B4GALT5: variants seen among roughly 807,000 people sequenced by gnomAD.
B4GALT5 encodes the protein UDP-Gal:beta-GlcNAc beta-1,4-galactosyltransferase 5.
In B4GALT5, 11 loss-of-function variants were observed where a neutral mutation model predicts 45.0. That is an observed-to-expected ratio of 0.24 (90% CI 0.15 to 0.40). The LOEUF (loss-of-function observed/expected upper bound fraction) is 0.40. Ranked by LOEUF, B4GALT5 falls within the 10% of genes least tolerant of loss-of-function variation. The probability of loss-of-function intolerance (pLI) is 1.00; values close to 1 mark genes in which losing one functional copy is unlikely to be tolerated. For synonymous variants in B4GALT5, 185 were observed against 182.9 expected (o/e 1.01, Z -0.09); for missense variants, 337 against 500.2 (o/e 0.67, Z 3.11).
At chr20:49,709,184 C>T (rs985479964) in intron 1 of B4GALT5, among the ~76,000 whole-genome samples, 3 of 151,950 alleles carry the variant, frequency 2.0e-5, no homozygotes, top group African/African-American at 7.3e-5. Context: ...TCTGAGCTCT[C>T]GGATTTTTTT....
At chr20:49,658,089 T>C (rs1352654309) in intron 1 of B4GALT5, among the ~76,000 whole-genome samples, 1 of 152,204 alleles carries the variant, frequency 6.6e-6, no homozygotes, top group Admixed American at 6.5e-5. Flanking sequence ...CAGTTTCAAA[T>C]GCGGCCTTGC....
intron 1 of B4GALT5, among the ~76,000 whole-genome samples, chr20:49,693,020 T>C (rs1568732215): frequency 6.6e-6 from 1 of 152,216 alleles, no homozygotes; most frequent in African/African-American, 2.4e-5. Flanking sequence ...CAGTATTCAG[T>C]ACAGTACCAT....
intron 1 of B4GALT5, among the ~76,000 whole-genome samples, chr20:49,700,263 G>T (rs999225704): frequency 2.6e-5 from 4 of 151,942 alleles, no homozygotes; most frequent in African/African-American, 9.7e-5. Flanking sequence ...TTTACAATTT[G>T]GTTTACAACA....
At chr20:49,661,657 G>A (rs1330006872) in intron 1 of B4GALT5, among the ~76,000 whole-genome samples, 1 of 152,186 alleles carries the variant, frequency 6.6e-6, no homozygotes, top group South Asian at 2.1e-4. Flanking sequence ...CAGTTTCAAC[G>A]AGTCTCTACT....
chr20:49,672,533 A>G (rs2085720301), intron 1 of B4GALT5, among the ~76,000 whole-genome samples: 1 of 151,514 alleles, frequency 6.6e-6, no homozygotes, highest in Admixed American at 6.6e-5. Context: ...ATGCTGGATT[A>G]TTTTTCTGTC....
chr20:49,643,436 T>C, intron 4 of B4GALT5, 90 bp downstream of exon 4: 1 of 1,498,680 alleles, frequency 6.7e-7, no homozygotes, highest in Non-Finnish European at 9.1e-7. Flanking sequence ...AATGACAAAA[T>C]GTCATGGTTA....
At chr20:49,655,604 C>G (rs1299910924) in intron 2 of B4GALT5, among the ~76,000 whole-genome samples, 1 of 152,102 alleles carries the variant, frequency 6.6e-6, no homozygotes, top group Non-Finnish European at 1.5e-5. Flanking sequence ...GGAAGTATTA[C>G]TTCCTTCCTG....
In B4GALT5 at chr20:49,682,396, T is replaced by C. The variant is rs1012309332; in HGVS notation, c.116-25694A>G. Among the ~76,000 whole-genome samples, 3 of 152,142 alleles carry C rather than the reference T, an allele frequency of 2.0e-5. No homozygotes were observed. In the East Asian group the frequency reaches 5.8e-4, roughly 29 times the overall value. On this transcript the variant is annotated intron_variant, in intron 1 of 8. Transcript: ENST00000371711. ...TGTCTACACCAGCTCTTAAATGATT[T>C]CCCTTATCCCTCTGACCTCATCTCT...
intron 1 of B4GALT5, among the ~76,000 whole-genome samples, chr20:49,713,370 C>A (rs1193010249): frequency 6.6e-6 from 1 of 151,466 alleles, no homozygotes; most frequent in Non-Finnish European, 1.5e-5. Context: ...CGGAGGCTGG[C>A]GCGGGAGAGG....
chr20:49,645,164 G>C (rs563103537), intron 3 of B4GALT5, among the ~76,000 whole-genome samples: 1 of 152,036 alleles, frequency 6.6e-6, no homozygotes, highest in Non-Finnish European at 1.5e-5. Context: ...ATTGCTCCCT[G>C]AAGTTGGAGA....
chr20:49,680,449 A>C (rs1268079499), intron 1 of B4GALT5, among the ~76,000 whole-genome samples: 1 of 152,280 alleles, frequency 6.6e-6, no homozygotes, highest in African/African-American at 2.4e-5. Flanking sequence ...GCAGTGAAAC[A>C]TGCTGTAACA....
In B4GALT5 at chr20:49,670,669, G is replaced by A. The variant is rs569546262; in HGVS notation, c.116-13967C>T. Among the ~76,000 whole-genome samples the A allele has an allele frequency of 4.0e-4, 61 of 152,224 alleles. No homozygotes were observed. In the Middle Eastern group the frequency reaches 0.01, roughly 25 times the overall value. On this transcript the variant is annotated intron_variant, in intron 1 of 8. Transcript: ENST00000371711. ...TTCTAACCCTTTGCAAACATGTAAC[G>A]TAAAATTTTAAGTTGACACTACAAA...
At chr20:49,684,816 C>T (rs556634438) in intron 1 of B4GALT5, among the ~76,000 whole-genome samples, 12 of 152,292 alleles carry the variant, frequency 7.9e-5, no homozygotes, top group Admixed American at 2.0e-4. Context: ...AGTCCCTGCT[C>T]GGCTTAGCTG....
chr20:49,639,735 T>C lies in B4GALT5; in HGVS notation c.860A>G (p.Asn287Ser), dbSNP rs916716942. Reference sequence around the variant, plus strand: ...ACCCCAGAAAGCATTAGGAAAGCCATTGATTTTCCGAAATTGTTCCACTGT... The same window carrying C: ...ACCCCAGAAAGCATTAGGAAAGCCACTGATTTTCCGAAATTGTTCCACTGT... ...GLTVEQFRKINGFPNAFWGWG... is the reference protein window; with the variant it reads ...GLTVEQFRKISGFPNAFWGWG... The change falls in exon 7 of 9, where the codon AAT (asparagine) becomes AGT (serine). Residue 287 changes from asparagine (N) to serine (S), a missense_variant. Asn to Ser is a conservative substitution (Grantham distance 46). Transcript: ENST00000371711. 4.3e-6 allele frequency: 7 copies of C among 1,613,798 alleles called. No homozygotes were observed. Among genetic ancestry groups the C allele is most frequent in the Admixed American group, 1.7e-5 (1 of 60,020 alleles).
chr20:49,643,461 G>A, intron 4 of B4GALT5, 65 bp downstream of exon 4: 1 of 1,591,498 alleles, frequency 6.3e-7, no homozygotes, highest in Non-Finnish European at 8.6e-7. Flanking sequence ...ATCCCATGGT[G>A]ATTCGGACCA....
chr20:49,664,624 A>G (rs997981974), intron 1 of B4GALT5, among the ~76,000 whole-genome samples: 1 of 152,198 alleles, frequency 6.6e-6, no homozygotes, highest in Admixed American at 6.5e-5. Flanking sequence ...GAGTGCTAAA[A>G]TAGATATTTT....
chr20:49,659,751 A>G (rs2085657776), intron 1 of B4GALT5, among the ~76,000 whole-genome samples: 1 of 152,106 alleles, frequency 6.6e-6, no homozygotes, highest in African/African-American at 2.4e-5. Context: ...TATGGCCATC[A>G]GCAAAGAAAA....
intron 1 of B4GALT5, 23 bp downstream of exon 1, chr20:49,713,553 G>A: frequency 6.4e-7 from 1 of 1,551,446 alleles, no homozygotes; most frequent in South Asian, 1.2e-5. Context: ...GGCAGCCGCC[G>A]CGGTCCCAAG....
rs869171877 is a variant in B4GALT5 at position 49,667,261 on chromosome 20, G to GT, written c.116-10560dup. On this transcript the variant is annotated intron_variant, in intron 1 of 8. Coordinates refer to ENST00000371711, the MANE Select transcript of B4GALT5 (RefSeq NM_004776.4). Reference sequence around the variant, plus strand: ...TTTTTTTTTGGCTTGTGTTGTTGTTGTTTTTTTTGAGACGGACTCTCGCTG... The same window carrying GT: ...TTTTTTTTTGGCTTGTGTTGTTGTTGTTTTTTTTTGAGACGGACTCTCGCTG... Among the ~76,000 whole-genome samples the GT allele has an allele frequency of 8.0e-5, 7 of 87,104 alleles. No individual in the cohort carries two copies. The East Asian group carries it at 1.4e-3, about 18-fold the overall frequency. 57.1% of individuals were successfully genotyped at this position (87,104 alleles called of 152,430 possible). A position where few individuals can be genotyped will look rare whatever the true frequency, so the allele number is the denominator to read the frequency against.
Sources: allele counts gnomAD v4.1 joint callset (sites outside exome capture counted in the v4.1 genomes callset), GRCh38; gene constraint gnomAD v4.1.1; transcripts MANE v1.5; gene names NCBI Gene and HGNC (gene_info 2026-07-23, HGNC 2026-07-21).